NCKAP5: variants seen among roughly 807,000 people sequenced by gnomAD.
NCKAP5 encodes the protein nck-associated protein 5.
A neutral mutation model predicts 167.0 loss-of-function variants in NCKAP5; 92 were observed. The observed-to-expected ratio is 0.55, with a 90% CI of 0.47 to 0.66. NCKAP5 has a LOEUF of 0.66. Ranked by LOEUF, NCKAP5 falls within the 30% of genes least tolerant of loss-of-function variation. The pLI, the probability that NCKAP5 is intolerant of heterozygous loss-of-function variation, is 0.00. For synonymous variants in NCKAP5, 891 were observed against 877.4 expected (o/e 1.02, Z -0.27); for missense variants, 2,378 against 2,315.0 (o/e 1.03, Z -0.56).
At chr2:133,021,853 A>G (rs575320825) in intron 6 of NCKAP5, among the ~76,000 whole-genome samples, 1 of 150,934 alleles carries the variant, frequency 6.6e-6, no homozygotes, top group East Asian at 2.0e-4. Flanking sequence ...CTGTTCTTGA[A>G]CTCCTGAGCT....
At chr2:133,461,045 T>G (rs1481513804) in intron 3 of NCKAP5, among the ~76,000 whole-genome samples, 3 of 152,292 alleles carry the variant, frequency 2.0e-5, no homozygotes, top group Middle Eastern at 6.8e-3. Flanking sequence ...CTAGGAAATC[T>G]AAATGATGTT....
chr2:133,097,873 G>A lies in NCKAP5; in HGVS notation c.341+32105C>T, dbSNP rs113778347. Among the ~76,000 whole-genome samples, 399 of 152,256 alleles carry A rather than the reference G, an allele frequency of 2.6e-3. 1 individual carries two copies. The highest frequency in any genetic ancestry group is 0.01 in the Middle Eastern group (3 of 294). ...AGAGCTTGTGTTGTTTGGGATTCCT[G>A]ATGAGTAATACGTGCATTTTCTACA... On this transcript the variant is annotated intron_variant, in intron 6 of 19. Transcript: ENST00000409261.
intron 19 of NCKAP5, among the ~76,000 whole-genome samples, chr2:132,674,111 G>A (rs1219329995): frequency 1.3e-5 from 2 of 152,180 alleles, no homozygotes; most frequent in African/African-American, 4.8e-5. Context: ...GAAAAACAAT[G>A]AGAAAAACAG....
chr2:133,064,242 T>C (rs1414310554), intron 6 of NCKAP5, among the ~76,000 whole-genome samples: 4 of 152,218 alleles, frequency 2.6e-5, no homozygotes, highest in Non-Finnish European at 4.4e-5. Flanking sequence ...AAATTTGCAA[T>C]GTTCTATCAA....
chr2:133,617,610 C>G, the NCKAP5 span, among the ~76,000 whole-genome samples: 1 of 144,862 alleles, frequency 6.9e-6, no homozygotes, highest in Non-Finnish European at 1.5e-5. Flanking sequence ...TGTGAAGGAC[C>G]TCTTCAAGGA....
At chr2:133,258,182 C>T (rs1195427483) in intron 4 of NCKAP5, among the ~76,000 whole-genome samples, 2 of 152,140 alleles carry the variant, frequency 1.3e-5, no homozygotes, top group East Asian at 1.9e-4. Context: ...TAAAGACATC[C>T]CTGTCTCATT....
intron 3 of NCKAP5, among the ~76,000 whole-genome samples, chr2:133,311,400 T>TG (rs1325025298): frequency 6.6e-6 from 1 of 152,224 alleles, no homozygotes; most frequent in Non-Finnish European, 1.5e-5. Context: ...CCTGGCACAC[T>TG]GCCCTCCAGG....
intron 8 of NCKAP5, among the ~76,000 whole-genome samples, chr2:132,957,287 C>T (rs975960174): frequency 2.0e-5 from 3 of 152,168 alleles, no homozygotes; most frequent in African/African-American, 7.2e-5. Context: ...TAGAAGTTAT[C>T]CTTCTCACTT....
chr2:132,676,818 C>T (rs377714428), intron 19 of NCKAP5, among the ~76,000 whole-genome samples: 71 of 152,220 alleles, frequency 4.7e-4, no homozygotes, highest in Admixed American at 1.4e-3. Flanking sequence ...ATGAATTCTA[C>T]AGGGTAGGTG....
chr2:133,007,717 C>T (rs903963623), intron 6 of NCKAP5, among the ~76,000 whole-genome samples: 3 of 152,144 alleles, frequency 2.0e-5, no homozygotes, highest in Non-Finnish European at 4.4e-5. Flanking sequence ...AACAACACCC[C>T]TTTCAGTCCA....
chr2:132,781,742 G>A (rs1251714787), intron 14 of NCKAP5, among the ~76,000 whole-genome samples, 198 bp downstream of exon 14: 2 of 152,128 alleles, frequency 1.3e-5, no homozygotes, highest in African/African-American at 2.4e-5. Flanking sequence ...AAAGTAACAT[G>A]GACTAAATGA....
intron 6 of NCKAP5, among the ~76,000 whole-genome samples, chr2:133,094,967 T>C (rs1387029547): frequency 6.6e-6 from 1 of 152,068 alleles, no homozygotes; most frequent in East Asian, 1.9e-4. Context: ...CCCCAAAAAC[T>C]GAATCCTGCC....
At chr2:133,124,235 T>C (rs145884124) in intron 6 of NCKAP5, among the ~76,000 whole-genome samples, 19 of 152,288 alleles carry the variant, frequency 1.2e-4, no homozygotes, top group African/African-American at 4.1e-4. Flanking sequence ...TTTTTAACTA[T>C]CCTGGTCAAA....
At chr2:133,625,765 G>T in the NCKAP5 span, among the ~76,000 whole-genome samples, 68 of 151,674 alleles carry the variant, frequency 4.5e-4, no homozygotes, top group African/African-American at 1.6e-3. Context: ...CAGCTACTCC[G>T]GAGGCTGAGG....
chr2:133,575,064 T>G, the NCKAP5 span, among the ~76,000 whole-genome samples: 2 of 152,110 alleles, frequency 1.3e-5, no homozygotes, highest in Non-Finnish European at 2.9e-5. Flanking sequence ...CCGGGAAAAA[T>G]TGCCTGTGCT....
At chr2:133,557,262 C>T (rs1444975639) in intron 2 of NCKAP5, among the ~76,000 whole-genome samples, 1 of 152,166 alleles carries the variant, frequency 6.6e-6, no homozygotes, top group African/African-American at 2.4e-5. Flanking sequence ...ACCTGGAATG[C>T]TTGGTTGGTA....
At chr2:132,766,099 G>A (rs1681453953) in intron 16 of NCKAP5, among the ~76,000 whole-genome samples, 1 of 151,840 alleles carries the variant, frequency 6.6e-6, no homozygotes, top group Non-Finnish European at 1.5e-5. Flanking sequence ...AGCCAACATG[G>A]TGAAACCCCG....
chr2:133,308,686 ATTCTTTTTTTT>A (rs1351897453), intron 3 of NCKAP5, among the ~76,000 whole-genome samples: 2 of 118,826 alleles, frequency 1.7e-5, no homozygotes, highest in African/African-American at 6.2e-5. Flanking sequence ...AAGAAATACA[ATTCTTTTTTTT>A]TTTTTTTTTT....
intron 3 of NCKAP5, among the ~76,000 whole-genome samples, chr2:133,352,177 C>T (rs774450042): frequency 3.3e-5 from 5 of 152,198 alleles, no homozygotes; most frequent in Non-Finnish European, 7.3e-5. Context: ...ACAACCTTCA[C>T]ACTCTGTATC....
Sources: allele counts gnomAD v4.1 joint callset (sites outside exome capture counted in the v4.1 genomes callset), GRCh38; gene constraint gnomAD v4.1.1; transcripts MANE v1.5; gene names NCBI Gene and HGNC (gene_info 2026-07-23, HGNC 2026-07-21).